The following SMCO2 variants were observed in gnomAD, a reference collection of about 807,000 sequenced individuals.
The protein encoded by SMCO2 is single-pass membrane and coiled-coil domain-containing protein 2.
In SMCO2, 25 loss-of-function variants were observed where a neutral mutation model predicts 29.5. The ratio of observed to expected loss-of-function variants is 0.85; its 90% CI spans 0.62 to 1.18. SMCO2 has a LOEUF of 1.18. Ranked by LOEUF, SMCO2 falls within the 50% of genes most tolerant of loss-of-function variation. The pLI is 0.00. For missense variants in SMCO2, 348 were observed against 344.5 expected (o/e 1.01, Z -0.08); for synonymous variants, 117 against 123.3 (o/e 0.95, Z 0.34).
the SMCO2 span, chr12:27,424,437 T>C: frequency 6.6e-6 from 1 of 152,198 alleles, no homozygotes; most frequent in African/African-American, 2.4e-5. Context: ...AATTTAGAAA[T>C]CTATTGTGAA....
intron 2 of SMCO2, 117 bp from the exon 3 acceptor site, chr12:27,472,659 A>G (rs1949550781): frequency 4.7e-6 from 3 of 638,200 alleles, no homozygotes; most frequent in Admixed American, 6.2e-5. Flanking sequence ...AGGATAGCAG[A>G]TGCTCCCTGG....
At chr12:27,438,229 G>A in the SMCO2 span, among the ~76,000 whole-genome samples, 2 of 152,094 alleles carry the variant, frequency 1.3e-5, no homozygotes, top group African/African-American at 4.8e-5. Context: ...CCTTTAACCC[G>A]CTGGCCATTC....
the SMCO2 span, among the ~76,000 whole-genome samples, chr12:27,429,433 C>T: frequency 2.7e-5 from 4 of 149,564 alleles, no homozygotes; most frequent in African/African-American, 7.4e-5. Context: ...CAAAGTAATG[C>T]GTATATTGGT....
intron 4 of SMCO2, 91 bp from the exon 5 acceptor site, chr12:27,475,491 T>A: frequency 7.2e-7 from 1 of 1,383,652 alleles, no homozygotes; most frequent in Non-Finnish European, 9.5e-7. Flanking sequence ...ACTAAACAGA[T>A]CAACTCGCTA....
intron 6 of SMCO2, 63 bp downstream of exon 7, chr12:27,494,419 G>T: frequency 8.3e-7 from 1 of 1,200,222 alleles, no homozygotes; most frequent in East Asian, 3.0e-5. Flanking sequence ...CTAAATACAG[G>T]GGTCATTCAT....
chr12:27,463,166 G>A (rs967759076), upstream of SMCO2, among the ~76,000 whole-genome samples: 13 of 152,216 alleles, frequency 8.5e-5, no homozygotes, highest in African/African-American at 3.1e-4. Flanking sequence ...TCCAAGATGC[G>A]ACTATGAGGA....
chr12:27,443,161 T>G, the SMCO2 span, among the ~76,000 whole-genome samples: 1 of 152,134 alleles, frequency 6.6e-6, no homozygotes, highest in African/African-American at 2.4e-5. Flanking sequence ...AAAAGATCAT[T>G]CACCATGATC....
chr12:27,468,580 T>C (rs1021506976), intron 1 of SMCO2, among the ~76,000 whole-genome samples: 7 of 152,234 alleles, frequency 4.6e-5, no homozygotes, highest in Non-Finnish European at 8.8e-5. Flanking sequence ...ACTGGCCACA[T>C]TTCAAGTACT....
intron 7 of SMCO2, among the ~76,000 whole-genome samples, chr12:27,501,415 C>CAAAAAAAAAAAAAAAAAAA (rs540673188): frequency 3.5e-5 from 3 of 85,868 alleles, no homozygotes; most frequent in Non-Finnish European, 6.5e-5. Flanking sequence ...GACTCCGTCT[C>CAAAAAAAAAAAAAAAAAAA]AAAAAAAAAA....
intron 5 of SMCO2, among the ~76,000 whole-genome samples, chr12:27,491,327 GA>G (rs751931408): frequency 1.1e-4 from 16 of 150,438 alleles, no homozygotes; most frequent in Non-Finnish European, 1.8e-4. Flanking sequence ...GCCTAATATT[GA>G]GCCCCCAAGC....
At chr12:27,467,621 A>T (rs1198416154) in intron 1 of SMCO2, among the ~76,000 whole-genome samples, 1 of 152,156 alleles carries the variant, frequency 6.6e-6, no homozygotes, top group African/African-American at 2.4e-5. Context: ...TTTTTGAGGT[A>T]AGATGGCTGT....
intron 6 of SMCO2, among the ~76,000 whole-genome samples, chr12:27,494,799 T>A (rs551086519): frequency 6.6e-6 from 1 of 152,120 alleles, no homozygotes; most frequent in African/African-American, 2.4e-5. Context: ...GAATGATGGT[T>A]TCTAGTCTTA....
chr12:27,479,746 A>G (rs1949624564), intron 4 of SMCO2, among the ~76,000 whole-genome samples: 1 of 152,136 alleles, frequency 6.6e-6, no homozygotes, highest in African/African-American at 2.4e-5. Flanking sequence ...TCCCCTACAC[A>G]AGCCCTCTCT....
the SMCO2 span, among the ~76,000 whole-genome samples, chr12:27,455,849 G>A: frequency 6.6e-6 from 1 of 152,226 alleles, no homozygotes; most frequent in Non-Finnish European, 1.5e-5. Flanking sequence ...AATGTTCCAT[G>A]ACATATTAAG....
At chr12:27,454,569 G>A in the SMCO2 span, among the ~76,000 whole-genome samples, 3 of 152,142 alleles carry the variant, frequency 2.0e-5, no homozygotes, top group African/African-American at 4.8e-5. Flanking sequence ...ATTTTGGATT[G>A]GCAAATTTCT....
At chr12:27,435,557 C>T in the SMCO2 span, among the ~76,000 whole-genome samples, 1 of 150,258 alleles carries the variant, frequency 6.7e-6, no homozygotes, top group Non-Finnish European at 1.5e-5. Context: ...CCCCCATCCC[C>T]CATCTCTCTC....
chr12:27,427,344 T>G, the SMCO2 span, among the ~76,000 whole-genome samples: 1 of 152,180 alleles, frequency 6.6e-6, no homozygotes, highest in Non-Finnish European at 1.5e-5. Flanking sequence ...GCATTTCCAG[T>G]AAGTTGTCAT....
chr12:27,492,468 C>T (rs1252017450), intron 5 of SMCO2, among the ~76,000 whole-genome samples: 1 of 152,080 alleles, frequency 6.6e-6, no homozygotes, highest in Non-Finnish European at 1.5e-5. Context: ...GGGGCCAAGA[C>T]GGGTTGATTG....
the SMCO2 span, among the ~76,000 whole-genome samples, chr12:27,436,876 T>C: frequency 6.6e-6 from 1 of 152,192 alleles, no homozygotes; most frequent in Non-Finnish European, 1.5e-5. Context: ...CCATTCCCTA[T>C]TAACAGCAAT....
Sources: allele counts gnomAD v4.1 joint callset (sites outside exome capture counted in the v4.1 genomes callset), GRCh38; gene constraint gnomAD v4.1.1; transcripts MANE v1.5; gene names NCBI Gene and HGNC (gene_info 2026-07-23, HGNC 2026-07-21).